The following DSCAM variants were observed in gnomAD, a reference collection of about 807,000 sequenced individuals.
The protein encoded by DSCAM is DS cell adhesion molecule.
DSCAM carries 47 observed loss-of-function variants against 217.7 expected under a neutral mutation model. That is an observed-to-expected ratio of 0.22 (90% CI 0.17 to 0.28). The LOEUF (loss-of-function observed/expected upper bound fraction) is 0.28. Among genes scored for constraint, DSCAM ranks in the 10% least tolerant of loss-of-function variants. The pLI is 1.00. For missense variants in DSCAM, 2,080 were observed against 2,618.3 expected (o/e 0.79, Z 4.49); for synonymous variants, 1,056 against 1,015.3 (o/e 1.04, Z -0.76).
chr21:40,378,432 A>G (rs2074984687), intron 3 of DSCAM, among the ~76,000 whole-genome samples: 1 of 152,102 alleles, frequency 6.6e-6, no homozygotes, highest in African/African-American at 2.4e-5. Flanking sequence ...TTCAAGTGTG[A>G]GACTTGCATA....
chr21:40,831,089 G>A (rs1338747169), intron 1 of DSCAM, among the ~76,000 whole-genome samples: 1 of 152,188 alleles, frequency 6.6e-6, no homozygotes, highest in Non-Finnish European at 1.5e-5. Flanking sequence ...GGCCAACCAG[G>A]CAATAAACCG....
At chr21:40,590,867 T>C (rs962200398) in intron 3 of DSCAM, among the ~76,000 whole-genome samples, 1 of 152,160 alleles carries the variant, frequency 6.6e-6, no homozygotes, top group Non-Finnish European at 1.5e-5. Flanking sequence ...ATCTTTGCCT[T>C]AAAAACATGT....
chr21:40,209,753 G>A (rs555761489), intron 11 of DSCAM, among the ~76,000 whole-genome samples: 4 of 152,166 alleles, frequency 2.6e-5, no homozygotes, highest in Admixed American at 6.5e-5. Context: ...CTCTAGGCCC[G>A]TGACCATCAG....
intron 3 of DSCAM, among the ~76,000 whole-genome samples, chr21:40,459,573 C>T (rs2075789752): frequency 6.6e-6 from 1 of 152,102 alleles, no homozygotes; most frequent in African/African-American, 2.4e-5. Flanking sequence ...AAAATGTGTA[C>T]AAACCATATG....
chr21:40,594,708 A>G (rs2077008406), intron 3 of DSCAM, among the ~76,000 whole-genome samples: 1 of 149,092 alleles, frequency 6.7e-6, no homozygotes. Flanking sequence ...GATAATCAAT[A>G]ACTTGTATGT....
chr21:40,677,119 T>C (rs2090348761), intron 3 of DSCAM, among the ~76,000 whole-genome samples: 1 of 152,112 alleles, frequency 6.6e-6, no homozygotes, highest in African/African-American at 2.4e-5. Context: ...TGAAAATGAC[T>C]TGATGAAGGC....
chr21:40,534,934 A>AT (rs2076483571), intron 3 of DSCAM, among the ~76,000 whole-genome samples: 1 of 152,154 alleles, frequency 6.6e-6, no homozygotes, highest in South Asian at 2.1e-4. Flanking sequence ...CTAGTAGTGA[A>AT]TAAGAAAAAT....
At chr21:40,455,619 A>G (rs1442291861) in intron 3 of DSCAM, among the ~76,000 whole-genome samples, 1 of 152,062 alleles carries the variant, frequency 6.6e-6, no homozygotes, top group African/African-American at 2.4e-5. Flanking sequence ...ATATACAAAC[A>G]TTAGCTGGGC....
At chr21:40,561,994 C>T (rs1239797579) in intron 3 of DSCAM, among the ~76,000 whole-genome samples, 1 of 152,212 alleles carries the variant, frequency 6.6e-6, no homozygotes, top group Non-Finnish European at 1.5e-5. Context: ...ACTAAACAAA[C>T]TTAGCCATAT....
chr21:40,072,615 T>A (rs900741031), intron 27 of DSCAM, among the ~76,000 whole-genome samples: 28 of 152,124 alleles, frequency 1.8e-4, no homozygotes, highest in Non-Finnish European at 3.8e-4. Context: ...CCCAAAGTGC[T>A]AGGATTACAG....
chr21:40,248,954 C>G (rs565582552), intron 11 of DSCAM, among the ~76,000 whole-genome samples: 7 of 152,226 alleles, frequency 4.6e-5, no homozygotes, highest in African/African-American at 9.6e-5. Flanking sequence ...AAAGCAGAAA[C>G]CCCTGATAAA....
chr21:40,371,999 TAAAA>T (rs1277316150), intron 3 of DSCAM, among the ~76,000 whole-genome samples: 10 of 152,118 alleles, frequency 6.6e-5, no homozygotes, highest in Admixed American at 5.9e-4. Context: ...TTTTAAAACA[TAAAA>T]TAAGGTTGAA....
intron 11 of DSCAM, among the ~76,000 whole-genome samples, chr21:40,209,593 T>C (rs943534947): frequency 2.0e-5 from 3 of 152,166 alleles, no homozygotes; most frequent in Admixed American, 2.0e-4. Context: ...ATGAGACAGA[T>C]GAAATGTGGC....
At chr21:40,635,308 TGTG>T (rs1250566278) in intron 3 of DSCAM, among the ~76,000 whole-genome samples, 1 of 152,222 alleles carries the variant, frequency 6.6e-6, no homozygotes, top group African/African-American at 2.4e-5. Flanking sequence ...CAAATGCTGG[TGTG>T]CGGGCCAGAC....
At chr21:40,688,489 A>AT (rs2090506884) in intron 3 of DSCAM, among the ~76,000 whole-genome samples, 1 of 152,212 alleles carries the variant, frequency 6.6e-6, no homozygotes, top group Admixed American at 6.5e-5. Flanking sequence ...CTACATTAAT[A>AT]TTATGGCATT....
rs186269721 is a variant in DSCAM at position 40,495,666 on chromosome 21, G to T, written c.509-126421C>A. Among the ~76,000 whole-genome samples the T allele has an allele frequency of 2.2e-4, 33 of 151,754 alleles. No individual in the cohort carries two copies. In the East Asian group the frequency reaches 6.4e-3, roughly 29 times the overall value. The stretch of plus-strand genomic sequence containing the variant: ...TTGTCCTTTCTGTTCTACTTCTCTG[G>T]AAGTCCTAACTGGAGAAATTAGGAA... On this transcript the variant is annotated intron_variant, in intron 3 of 32. Coordinates refer to ENST00000400454, the MANE Select transcript of DSCAM (RefSeq NM_001389.5).
intron 8 of DSCAM, among the ~76,000 whole-genome samples, chr21:40,330,219 T>C (rs2074361890): frequency 6.7e-6 from 1 of 149,038 alleles, no homozygotes; most frequent in South Asian, 2.1e-4. Flanking sequence ...CAATATGTAA[T>C]GTAATATATG....
At chr21:40,218,809 G>C (rs1216575347) in intron 11 of DSCAM, among the ~76,000 whole-genome samples, 1 of 152,062 alleles carries the variant, frequency 6.6e-6, no homozygotes, top group Non-Finnish European at 1.5e-5. Context: ...TTGGTATATA[G>C]GAATTAGTGA....
intron 11 of DSCAM, among the ~76,000 whole-genome samples, chr21:40,206,394 T>C (rs2091126168): frequency 6.6e-6 from 1 of 151,792 alleles, no homozygotes; most frequent in South Asian, 2.1e-4. Context: ...CACACGGGGG[T>C]AGGCCCGACC....
Sources: allele counts gnomAD v4.1 joint callset (sites outside exome capture counted in the v4.1 genomes callset), GRCh38; gene constraint gnomAD v4.1.1; transcripts MANE v1.5; gene names NCBI Gene and HGNC (gene_info 2026-07-23, HGNC 2026-07-21).